The following SCP2 variants were observed in gnomAD, a reference collection of about 807,000 sequenced individuals.
SCP2 encodes the protein SCP-2/3-oxoacyl-CoA thiolase.
SCP2 carries 48 observed loss-of-function variants against 71.4 expected under a neutral mutation model. The ratio of observed to expected loss-of-function variants is 0.67; its 90% CI spans 0.53 to 0.86. The LOEUF (loss-of-function observed/expected upper bound fraction) is 0.86, where lower values mean the gene tolerates loss of function less well. SCP2 is among the 40% of genes least tolerant of loss of function. The pLI, the probability that SCP2 is intolerant of heterozygous loss-of-function variation, is 0.00. For missense variants in SCP2, 560 were observed against 655.6 expected, an observed-to-expected ratio of 0.85 and a Z score of 1.59; for synonymous variants, 220 against 218.1, an observed-to-expected ratio of 1.01 and a Z score of -0.08.
chr1:53,048,037 C>A (rs376128848), intron 15 of SCP2, 100 bp downstream of exon 15: 5 of 825,786 alleles, frequency 6.1e-6, no homozygotes. Context: ...TGGTCAGACT[C>A]ACAAAACTCA....
At chr1:53,026,139 T>C (rs947958332) in intron 12 of SCP2, among the ~76,000 whole-genome samples, 7 of 152,330 alleles carry the variant, frequency 4.6e-5, no homozygotes, top group African/African-American at 1.7e-4. Flanking sequence ...GATGCATAAC[T>C]GATGTACATA....
rs1306871678 is a variant in SCP2 at position 53,047,912 on chromosome 1, T to G, written c.1523T>G (p.Met508Arg). Residue 508 changes from methionine (M) to arginine (R), a missense_variant, in exon 15 of 16, where the codon ATG (methionine) becomes AGG (arginine). Around this residue, in one of 3 missense-constraint regions of SCP2, gnomAD observed 43 missense variants for 65.9 expected, o/e 0.65. Transcript: ENST00000371514. ...GCTGACTCAGACTTCCTGGCTTTAA[T>G]GACTGGTAAAATGAATCCTCAGTCG... The part of the protein sequence containing the change: ...TMADSDFLAL[M>R]TGKMNPQSAF... The G allele has an allele frequency of 1.2e-6, 2 of 1,613,460 alleles. No homozygotes were observed. Among genetic ancestry groups the G allele is most frequent in the East Asian group, 4.5e-5 (2 of 44,884 alleles).
chr1:52,999,240 C>T lies in SCP2; in HGVS notation c.1081+11104C>T, dbSNP rs915452388. Among the ~76,000 whole-genome samples, 5 of 152,092 alleles carry T rather than the reference C, an allele frequency of 3.3e-5. No individual in the cohort carries two copies. In the East Asian group the frequency reaches 9.6e-4, roughly 29 times the overall value. ...CACATGGCCATTAGCTGTAATGTGC[C>T]CCAAGACAGAATTCAGACTTATTGA... is the stretch of plus-strand genomic sequence containing the variant. On this transcript the variant is annotated intron_variant, in intron 11 of 15. Transcript: ENST00000371514.
chr1:52,941,564 GTC>G (rs1654244714), intron 1 of SCP2, among the ~76,000 whole-genome samples: 1 of 151,750 alleles, frequency 6.6e-6, no homozygotes, highest in African/African-American at 2.4e-5. Flanking sequence ...GTGAAACCCC[GTC>G]TCTACTAAAA....
chr1:52,944,089 G>A (rs1303316173), intron 2 of SCP2, among the ~76,000 whole-genome samples: 1 of 152,134 alleles, frequency 6.6e-6, no homozygotes. Flanking sequence ...TTGTTTAGGG[G>A]AATTCTGGGA....
intron 10 of SCP2, among the ~76,000 whole-genome samples, chr1:52,982,888 T>A (rs1658661438): frequency 6.6e-6 from 1 of 152,222 alleles, no homozygotes; most frequent in Non-Finnish European, 1.5e-5. Flanking sequence ...TTAAAGATAC[T>A]AAGAGGGAAA....
intron 12 of SCP2, among the ~76,000 whole-genome samples, chr1:53,022,473 G>A (rs796167014): frequency 6.6e-6 from 1 of 152,024 alleles, no homozygotes; most frequent in Non-Finnish European, 1.5e-5. Flanking sequence ...ATGTTTATTG[G>A]CTATATGCAT....
intron 10 of SCP2, among the ~76,000 whole-genome samples, chr1:52,985,897 C>A (rs1241097845): frequency 6.6e-6 from 1 of 152,172 alleles, no homozygotes; most frequent in Non-Finnish European, 1.5e-5. Flanking sequence ...CCTCCATCTT[C>A]CTTGTCTCAA....
At chr1:53,032,891 TATACAAAATATATTTA>T (rs59789668) in intron 13 of SCP2, among the ~76,000 whole-genome samples, 48,049 of 152,054 alleles carry the variant, frequency 0.32, 12,693 homozygotes, top group African/African-American at 0.72. Context: ...AGAAATTATA[TATACAAAATATATTTA>T]ATACAAAAGT....
At chr1:52,938,372 T>C (rs1196516227) in intron 1 of SCP2, among the ~76,000 whole-genome samples, 1 of 152,230 alleles carries the variant, frequency 6.6e-6, no homozygotes, top group Non-Finnish European at 1.5e-5. Flanking sequence ...CATTTCTCTT[T>C]AATGTGACCA....
At position 53,018,121 on chromosome 1, in the gene SCP2, C is replaced by T. The variant is rs139110140; in HGVS notation, c.1235+3078C>T. On this transcript the variant is annotated intron_variant, in intron 12 of 15. Coordinates refer to ENST00000371514, the MANE Select transcript of SCP2 (RefSeq NM_002979.5). ...CCACCTGCCTCTGCCTCCCAAAGTGCTGAGATTACAGGCATGGACCATTGC... is the reference window on the plus strand; with the variant it reads ...CCACCTGCCTCTGCCTCCCAAAGTGTTGAGATTACAGGCATGGACCATTGC... Among the ~76,000 whole-genome samples the T allele has an allele frequency of 6.5e-3, 986 of 152,272 alleles. 14 individuals are homozygous for T. Among genetic ancestry groups the T allele is most frequent in the African/African-American group, 0.023 (950 of 41,564 alleles).
At chr1:52,954,850 A>G in intron 5 of SCP2, 46 bp downstream of exon 5, 1 of 1,388,406 alleles carries the variant, frequency 7.2e-7, no homozygotes, top group South Asian at 1.2e-5. Flanking sequence ...AATATAACCC[A>G]AAAGTTGAAA....
chr1:53,003,036 A>T (rs1317363250), intron 11 of SCP2, among the ~76,000 whole-genome samples: 1 of 152,138 alleles, frequency 6.6e-6, no homozygotes, highest in African/African-American at 2.4e-5. Flanking sequence ...CAGGCCACCC[A>T]TCCTTGTTTC....
At chr1:53,043,747 C>T (rs746027476) in intron 14 of SCP2, among the ~76,000 whole-genome samples, 1 of 152,296 alleles carries the variant, frequency 6.6e-6, no homozygotes, top group Admixed American at 6.5e-5. Context: ...TTTCAATGAC[C>T]GAGAGTCCTT....
intron 6 of SCP2, among the ~76,000 whole-genome samples, chr1:52,974,006 C>A (rs1455054803): frequency 1.3e-5 from 2 of 152,126 alleles, no homozygotes; most frequent in Non-Finnish European, 2.9e-5. Flanking sequence ...GTCATTTTTG[C>A]TCTGAAGATC....
intron 1 of SCP2, among the ~76,000 whole-genome samples, chr1:52,927,918 C>G (rs892055565): frequency 1.3e-5 from 2 of 152,132 alleles, no homozygotes; most frequent in African/African-American, 4.8e-5. Context: ...ATTCCGGCCT[C>G]CCTCTGTCCC....
At chr1:53,010,372 C>G (rs1432076193) in intron 11 of SCP2, among the ~76,000 whole-genome samples, 3 of 152,188 alleles carry the variant, frequency 2.0e-5, no homozygotes, top group African/African-American at 4.8e-5. Context: ...AGACTTGGAA[C>G]CAACCCAAAT....
At chr1:52,952,393 TA>T (rs1394920137) in intron 4 of SCP2, among the ~76,000 whole-genome samples, 2 of 152,000 alleles carry the variant, frequency 1.3e-5, no homozygotes, top group Non-Finnish European at 2.9e-5. Flanking sequence ...ACAAGAAAAA[TA>T]AAAAATAAAA....
At chr1:52,974,233 C>CCTCA (rs2150162341) in intron 6 of SCP2, among the ~76,000 whole-genome samples, 1 of 151,752 alleles carries the variant, frequency 6.6e-6, no homozygotes, top group East Asian at 1.9e-4. Flanking sequence ...CATTACTGTA[C>CCTCA]TTTTTTTTGT....
Sources: gnomAD v4.1 joint callset for allele counts (sites outside exome capture counted in the v4.1 genomes callset) on GRCh38, gnomAD v4.1.1 for gene constraint, gnomAD v4.1.1 regional missense constraint, MANE v1.5 for transcripts, NCBI Gene and HGNC (gene_info 2026-07-23, HGNC 2026-07-21) for gene names.